The following ARRDC1 variants were observed in gnomAD, a reference collection of about 807,000 sequenced individuals.
ARRDC1 encodes arrestin domain containing 1, also known as arrestin domain-containing protein 1.
ARRDC1 carries 37 observed loss-of-function variants against 40.1 expected under a neutral mutation model. That is an observed-to-expected ratio of 0.92 (90% confidence interval 0.71 to 1.21). The LOEUF is 1.21. Among genes scored for constraint, ARRDC1 ranks in the 50% most tolerant of loss-of-function variants. The pLI, the probability that ARRDC1 is intolerant of heterozygous loss-of-function variation, is 0.00. For synonymous variants in ARRDC1, 310 were observed against 262.5 expected, an observed-to-expected ratio of 1.18 and a Z score of -1.75; for missense variants, 641 against 581.9, an observed-to-expected ratio of 1.10 and a Z score of -1.04.
At chr9:137,611,942 G>A (rs1842531574) in intron 1 of ARRDC1, 1 of 152,340 alleles carries the variant, frequency 6.6e-6, no homozygotes. Context: ...TCCCTCAGCA[G>A]GTGTCAGAGT....
In ARRDC1 at chr9:137,614,403, G is replaced by C. The variant is rs1251642941; in HGVS notation, c.723G>C (p.Gln241His). The C allele has an allele frequency of 6.2e-7, 1 of 1,613,078 alleles. No individual in the cohort carries two copies. The highest frequency in any genetic ancestry group is 8.5e-7 in the Non-Finnish European group (1 of 1,179,934). Residue 241 changes from glutamine (Q) to histidine (H), a missense_variant, in exon 6 of 8, where the codon CAG (glutamine) becomes CAC (histidine). Physicochemically the swap from Gln to His is conservative, Grantham distance 24. Coordinates refer to ENST00000371421, the MANE Select transcript of ARRDC1 (RefSeq NM_152285.4). ...GGCGGCGGGCGCAGTGGCACGAGCA[G>C]ATCCTGGTGCCTGCCTTGCCCCAGT... ...KAWRRAQWHEQILVPALPQSA... is the reference protein window; with the variant it reads ...KAWRRAQWHEHILVPALPQSA...
intron 1 of ARRDC1, among the ~76,000 whole-genome samples, chr9:137,606,991 G>T (rs1842434955): frequency 6.6e-6 from 1 of 151,836 alleles, no homozygotes; most frequent in Non-Finnish European, 1.5e-5. Context: ...AGGCTCCCCT[G>T]GCCTCCGGGT....
Position 137,605,814 on chromosome 9 carries a change from G to C in ARRDC1, c.97G>C (p.Gly33Arg), listed in dbSNP as rs896764667. 4 of 1,278,410 alleles carry C rather than the reference G, an allele frequency of 3.1e-6. No homozygotes were observed. Among genetic ancestry groups the C allele is most frequent in the Non-Finnish European group, 4.0e-6 (4 of 1,012,350 alleles). 79.2% of individuals were successfully genotyped at this position (1,278,410 alleles called of 1,614,324 possible). The stretch of plus-strand genomic sequence containing the variant: ...GGCTGGGACCGTGCGCGTGCGCCTG[G>C]GGGCACCGCTGCCGTTCCGAGGTGG... ...PLAGTVRVRL[G>R]APLPFRAIRV... Residue 33 changes from glycine to arginine, a missense_variant, in exon 1 of 8, where the codon GGG becomes CGG. Physicochemically the swap from Gly to Arg is moderately radical, Grantham distance 125 (BLOSUM62 -2). Transcript: ENST00000371421.
At chr9:137,605,948 G>A (rs1842415094) in intron 1 of ARRDC1, 113 bp downstream of exon 1, 8 of 586,560 alleles carry the variant, frequency 1.4e-5, no homozygotes, top group South Asian at 8.6e-5. Flanking sequence ...CGCTGTCTTC[G>A]CCGCCCGGGA....
chr9:137,610,720 T>C (rs911553021), intron 1 of ARRDC1, among the ~76,000 whole-genome samples: 31 of 152,288 alleles, frequency 2.0e-4, no homozygotes, highest in Admixed American at 2.6e-4. Context: ...TGTGCCACCA[T>C]GCCCAGCTAA....
chr9:137,610,430 C>G (rs186468016), intron 1 of ARRDC1, among the ~76,000 whole-genome samples: 6 of 152,148 alleles, frequency 3.9e-5, no homozygotes, highest in Non-Finnish European at 7.4e-5. Flanking sequence ...AAGTCTCGCT[C>G]TGTCACCCAG....
At chr9:137,613,986 C>T (rs1842597754) in intron 4 of ARRDC1, 46 bp from the exon 5 acceptor site, 1 of 1,603,348 alleles carries the variant, frequency 6.2e-7, no homozygotes, top group Admixed American at 1.7e-5. Flanking sequence ...CACAGGGATC[C>T]AGCCTGCGCA....
chr9:137,613,053 C>G (rs779453211), intron 2 of ARRDC1, 47 bp downstream of exon 2: 4 of 1,431,744 alleles, frequency 2.8e-6, no homozygotes, highest in Non-Finnish European at 3.9e-6. Context: ...GGGGGCAGCC[C>G]TTGGAGTGGG....
intron 1 of ARRDC1, among the ~76,000 whole-genome samples, chr9:137,610,459 G>A (rs974526976): frequency 2.0e-5 from 3 of 152,040 alleles, no homozygotes; most frequent in Middle Eastern, 3.4e-3. Context: ...GCATTTGTGC[G>A]ATCTCAGCTC....
intron 1 of ARRDC1, among the ~76,000 whole-genome samples, chr9:137,609,752 C>G (rs1009153738): frequency 6.6e-6 from 1 of 152,130 alleles, no homozygotes; most frequent in African/African-American, 2.4e-5. Context: ...TGTCACACTT[C>G]TGGCCTCAAG....
intron 1 of ARRDC1, among the ~76,000 whole-genome samples, chr9:137,610,056 T>C (rs2488588): frequency 0.2 from 29,850 of 151,504 alleles, 3,325 homozygotes; most frequent in Admixed American, 0.32. Context: ...CCTCGTGATC[T>C]GCCCGCCTCG....
chr9:137,612,301 G>A (rs1842539311), intron 1 of ARRDC1: 1 of 154,956 alleles, frequency 6.5e-6, no homozygotes, highest in Non-Finnish European at 1.4e-5. Flanking sequence ...AGGGAGGCCG[G>A]AGAGGACTGA....
chr9:137,609,109 C>T (rs1006746430), intron 1 of ARRDC1, among the ~76,000 whole-genome samples: 26 of 151,786 alleles, frequency 1.7e-4, no homozygotes, highest in African/African-American at 6.3e-4. Context: ...TCTGGGTCTC[C>T]TGGTATGCAC....
intron 1 of ARRDC1, among the ~76,000 whole-genome samples, chr9:137,609,028 G>A (rs917533216): frequency 1.3e-5 from 2 of 152,142 alleles, no homozygotes; most frequent in Admixed American, 6.6e-5. Context: ...GACGGTTTTC[G>A]CGATGCTTTG....
At chr9:137,613,892 TGGAG>T in intron 4 of ARRDC1, 123 bp downstream of exon 4, 1 of 1,527,690 alleles carries the variant, frequency 6.5e-7, no homozygotes, top group Non-Finnish European at 8.9e-7. Context: ...GGCCAGGGTC[TGGAG>T]GCAGTGGCCT....
At chr9:137,610,061 G>A (rs887914254) in intron 1 of ARRDC1, among the ~76,000 whole-genome samples, 2 of 152,054 alleles carry the variant, frequency 1.3e-5, no homozygotes, top group Non-Finnish European at 2.9e-5. Context: ...TGATCTGCCC[G>A]CCTCGGCCTC....
At chr9:137,609,628 G>A (rs945882719) in intron 1 of ARRDC1, among the ~76,000 whole-genome samples, 3 of 152,042 alleles carry the variant, frequency 2.0e-5, no homozygotes, top group Non-Finnish European at 4.4e-5. Context: ...TCCTTCCTCC[G>A]GGGCTCCCAC....
At position 137,614,767 on chromosome 9, in the gene ARRDC1, C is replaced by G. The variant is rs746918538; in HGVS notation, c.1004C>G (p.Ser335Cys). Residue 335 changes from serine to cysteine, a missense_variant, in exon 7 of 8, where the codon TCC (serine) becomes TGC (cysteine). Transcript: ENST00000371421. ...CACTTCTTGGACCCCGTCTTCCTCT[C>G]CACCAAGAGCCATTCGCAGCGGCAG... is the stretch of plus-strand genomic sequence containing the variant. Reference protein sequence around the residue: ...GPHFLDPVFLSTKSHSQRQPL... With the variant: ...GPHFLDPVFLCTKSHSQRQPL... 1.9e-6 allele frequency: 3 copies of G among 1,610,684 alleles called. No individual in the cohort carries two copies. The highest frequency in any genetic ancestry group is 2.5e-6 in the Non-Finnish European group (3 of 1,178,474).
In ARRDC1 at chr9:137,615,221, AGCCTG is replaced by A. The variant is rs1420064152; in HGVS notation, c.*87_*91del. 28 of 1,308,116 alleles carry A rather than the reference AGCCTG, an allele frequency of 2.1e-5. No individual in the cohort carries two copies. The highest frequency in any genetic ancestry group is 2.5e-5 in the Non-Finnish European group (25 of 984,912). 81.0% of individuals were successfully genotyped at this position (1,308,116 alleles called of 1,614,324 possible). Reference sequence around the variant, plus strand: ...GGCCTCGTGCCTTCTCTCTTGGCCTAGCCTGGCCCACTCAGGACCTGCCCAGCCTC... The same window carrying A: ...GGCCTCGTGCCTTCTCTCTTGGCCTAGCCCACTCAGGACCTGCCCAGCCTC... On this transcript the variant is annotated 3_prime_UTR_variant, in exon 8 of 8. Coordinates refer to ENST00000371421, the MANE Select transcript of ARRDC1 (RefSeq NM_152285.4).
Sources: gnomAD v4.1 joint callset for allele counts (sites outside exome capture counted in the v4.1 genomes callset) on GRCh38, gnomAD v4.1.1 for gene constraint, MANE v1.5 for transcripts, NCBI Gene and HGNC (gene_info 2026-07-23, HGNC 2026-07-21) for gene names.